The following IQSEC1 variants were observed in gnomAD, a reference collection of about 807,000 sequenced individuals.
The protein encoded by IQSEC1 is IQ motif and Sec7 domain ArfGEF 1.
IQSEC1 carries 31 observed loss-of-function variants against 91.0 expected under a neutral mutation model. The observed-to-expected ratio is 0.34, with a 90% CI of 0.26 to 0.46. The LOEUF (loss-of-function observed/expected upper bound fraction) is 0.46. Among genes scored for constraint, IQSEC1 ranks in the 20% least tolerant of loss-of-function variants. IQSEC1 has a pLI of 1.00. For missense variants in IQSEC1, 1,388 were observed against 1,575.6 expected (o/e 0.88, Z 2.02); for synonymous variants, 699 against 662.6 (o/e 1.05, Z -0.84).
Position 13,038,690 on chromosome 3 carries a change from T to C in IQSEC1, c.23+34302A>G, listed in dbSNP as rs1381105826. ...ATTTGTAACTCGAAGGATAAATGCT[T>C]GAGGGGATGGATACCCTCAATGTCG... On this transcript the variant is annotated intron_variant, in intron 1 of 13. Transcript: ENST00000613206. Among the ~76,000 whole-genome samples, 4 of 152,234 alleles carry C rather than the reference T, an allele frequency of 2.6e-5. No homozygotes were observed. In the East Asian group the frequency reaches 7.7e-4, roughly 29 times the overall value.
At chr3:12,960,489 C>T (rs1333002152) in intron 1 of IQSEC1, 1 of 152,298 alleles carries the variant, frequency 6.6e-6, no homozygotes, top group Non-Finnish European at 1.5e-5. Context: ...CCTGCTCCTC[C>T]CTGCCTCTGC....
At chr3:13,050,206 A>C (rs1704644959) in intron 1 of IQSEC1, among the ~76,000 whole-genome samples, 1 of 151,878 alleles carries the variant, frequency 6.6e-6, no homozygotes, top group African/African-American at 2.4e-5. Flanking sequence ...TGTTGGGTCC[A>C]AGTTGTCTGC....
intron 1 of IQSEC1, among the ~76,000 whole-genome samples, chr3:13,177,318 G>T (rs372288354): frequency 6.6e-6 from 1 of 152,250 alleles, no homozygotes; most frequent in South Asian, 2.1e-4. Flanking sequence ...TGGGCCTACA[G>T]CAAGAATTCC....
At chr3:13,164,114 G>A (rs897759944) in exon 2 of IQSEC1, among the ~76,000 whole-genome samples, 1 of 152,144 alleles carries the variant, frequency 6.6e-6, no homozygotes, top group Non-Finnish European at 1.5e-5. Context: ...CTGACGCTCC[G>A]CGAGCTTTCT....
intron 1 of IQSEC1, among the ~76,000 whole-genome samples, chr3:13,201,987 A>G (rs1324482769): frequency 6.6e-6 from 1 of 152,242 alleles, no homozygotes; most frequent in Non-Finnish European, 1.5e-5. Context: ...GAAATACTAC[A>G]TTATTTTCCA....
At chr3:13,153,169 C>T (rs1707028996) in intron 2 of IQSEC1, among the ~76,000 whole-genome samples, 3 of 152,088 alleles carry the variant, frequency 2.0e-5, no homozygotes, top group African/African-American at 7.2e-5. Context: ...GGCTGACCCC[C>T]GTGTCCTCCT....
At position 12,900,925 on chromosome 3, in the gene IQSEC1, G is replaced by A. The variant is rs1370054195; in HGVS notation, c.*58C>T. 1 of 1,537,370 alleles carries A rather than the reference G, an allele frequency of 6.5e-7. No homozygotes were observed. The highest frequency in any genetic ancestry group is 8.7e-7 in the Non-Finnish European group (1 of 1,146,642). Reference sequence around the variant, plus strand: ...TTGGTGTGCGGCTGGCGACCCCCGGGCGTGCCCTGTGTGGTGTGCAGGTGT... The same window carrying A: ...TTGGTGTGCGGCTGGCGACCCCCGGACGTGCCCTGTGTGGTGTGCAGGTGT... On this transcript the variant is annotated 3_prime_UTR_variant, in exon 14 of 14. Coordinates refer to ENST00000613206, the MANE Select transcript of IQSEC1 (RefSeq NM_001134382.3).
chr3:13,255,029 G>A lies in IQSEC1; in HGVS notation c.272+27682C>T, dbSNP rs140427708. Reference sequence around the variant, plus strand: ...GACAATCAGAGCGGACGCACTGGCAGGAACGTCTGGAAGACCAACCTCCAC... The same window carrying A: ...GACAATCAGAGCGGACGCACTGGCAAGAACGTCTGGAAGACCAACCTCCAC... On this transcript the variant is annotated intron_variant, in intron 1 of 15. Coordinates refer to the IQSEC1 transcript ENST00000648114. Among the ~76,000 whole-genome samples, 25 of 152,348 alleles carry A rather than the reference G, an allele frequency of 1.6e-4. No individual in the cohort carries two copies. The East Asian group carries it at 4.6e-3, about 28-fold the overall frequency.
At chr3:12,915,328 C>G (rs181411214) in intron 7 of IQSEC1, among the ~76,000 whole-genome samples, 195 bp from the exon 8 acceptor site, 1 of 152,184 alleles carries the variant, frequency 6.6e-6, no homozygotes, top group Non-Finnish European at 1.5e-5. Flanking sequence ...CTGCCAGTGT[C>G]GGGTGCCCAG....
rs1693817223 is a variant in IQSEC1 at position 12,897,988 on chromosome 3, T to C, written c.*2995A>G. Reference sequence around the variant, plus strand: ...TGTCCCAGAAAAGACTTTTGTCACATTGCCAGCTGTTTCCCTCAGCGTCTC... The same window carrying C: ...TGTCCCAGAAAAGACTTTTGTCACACTGCCAGCTGTTTCCCTCAGCGTCTC... On this transcript the variant is annotated 3_prime_UTR_variant, in exon 14 of 14. Coordinates refer to ENST00000613206, the MANE Select transcript of IQSEC1 (RefSeq NM_001134382.3). 1 of 152,282 alleles carries C rather than the reference T, an allele frequency of 6.6e-6. No homozygotes were observed. The highest frequency in any genetic ancestry group is 2.4e-5 in the African/African-American group (1 of 41,480). The allele number at this position is 152,282 out of a possible 1,614,324, so 9.4% of individuals were successfully genotyped here. A position where few individuals can be genotyped will look rare whatever the true frequency, so the allele number is the denominator to read the frequency against.
chr3:13,184,518 T>G (rs574088360), intron 1 of IQSEC1, among the ~76,000 whole-genome samples: 1 of 152,118 alleles, frequency 6.6e-6, no homozygotes, highest in Admixed American at 6.5e-5. Context: ...AGAATGGGTG[T>G]TTTCCCCTAA....
chr3:13,059,313 C>T (rs560207829), intron 1 of IQSEC1, among the ~76,000 whole-genome samples: 135 of 147,230 alleles, frequency 9.2e-4, no homozygotes, highest in Middle Eastern at 3.6e-3. Flanking sequence ...CCCTGTTCTC[C>T]CCTGTTCCCT....
At chr3:13,056,484 C>T (rs113816859) in intron 1 of IQSEC1, among the ~76,000 whole-genome samples, 2,227 of 152,228 alleles carry the variant, frequency 0.015, 44 homozygotes, top group African/African-American at 0.048. Context: ...ATCCTCAAGC[C>T]GGCCTGGGAA....
intron 2 of IQSEC1, among the ~76,000 whole-genome samples, chr3:13,107,212 G>A (rs1000432107): frequency 7.9e-5 from 12 of 152,290 alleles, no homozygotes; most frequent in Admixed American, 2.6e-4. Context: ...TGCACAAGAG[G>A]TATTCCTGAA....
intron 2 of IQSEC1, among the ~76,000 whole-genome samples, chr3:13,127,586 TA>T (rs1706538989): frequency 6.6e-6 from 1 of 152,222 alleles, no homozygotes; most frequent in South Asian, 2.1e-4. Context: ...TTCTTTTTTT[TA>T]AATTGTTTTA....
intron 1 of IQSEC1, among the ~76,000 whole-genome samples, chr3:13,057,472 A>G (rs1227752353): frequency 1.3e-5 from 2 of 152,200 alleles, no homozygotes; most frequent in Non-Finnish European, 2.9e-5. Flanking sequence ...GCACACACAC[A>G]AGACACACCC....
At chr3:13,141,652 G>A (rs1316288130) in intron 2 of IQSEC1, among the ~76,000 whole-genome samples, 1 of 152,202 alleles carries the variant, frequency 6.6e-6, no homozygotes, top group Non-Finnish European at 1.5e-5. Context: ...TCACCCAGAA[G>A]AAAAAGAAAG....
At chr3:13,225,207 TGGGGCATGAACGTC>T (rs1391707707) in intron 1 of IQSEC1, among the ~76,000 whole-genome samples, 1 of 152,236 alleles carries the variant, frequency 6.6e-6, no homozygotes, top group Non-Finnish European at 1.5e-5. Context: ...TATAACCCAA[TGGGGCATGAACGTC>T]CCTTTTGTCC....
At chr3:12,910,557 C>T (rs535641657) in intron 10 of IQSEC1, among the ~76,000 whole-genome samples, 45 of 152,366 alleles carry the variant, frequency 3.0e-4, no homozygotes, top group African/African-American at 1.1e-3. Context: ...GACTTGCAGC[C>T]TGCGATGGGA....
Sources: gnomAD v4.1 joint callset for allele counts (sites outside exome capture counted in the v4.1 genomes callset) on GRCh38, gnomAD v4.1.1 for gene constraint, MANE v1.5 for transcripts, NCBI Gene and HGNC (gene_info 2026-07-23, HGNC 2026-07-21) for gene names.